Variants in SEMA6D observed in about 807,000 individuals in gnomAD.
The protein encoded by SEMA6D is semaphorin 6D.
In SEMA6D, 35 loss-of-function variants were observed where a neutral mutation model predicts 106.6. The observed-to-expected ratio is 0.33, with a 90% CI of 0.25 to 0.44. SEMA6D has a LOEUF of 0.44. SEMA6D is among the 20% of genes least tolerant of loss of function. The pLI is 1.00. For missense variants in SEMA6D, 1,185 were observed against 1,345.9 expected (o/e 0.88, Z 1.87); for synonymous variants, 499 against 487.7 (o/e 1.02, Z -0.31).
At chr15:47,620,793 G>A (rs1439786633) in intron 4 of SEMA6D, among the ~76,000 whole-genome samples, 1 of 151,864 alleles carries the variant, frequency 6.6e-6, no homozygotes, top group Non-Finnish European at 1.5e-5. Flanking sequence ...GTGGGGTTCA[G>A]AGGAATATGT....
chr15:47,275,218 T>C (rs1213552657), intron 1 of SEMA6D: 1 of 152,120 alleles, frequency 6.6e-6, no homozygotes, highest in Admixed American at 6.6e-5. Flanking sequence ...AGAGATGCAA[T>C]CACCTTGAAA....
chr15:47,275,986 G>T (rs1462484324), intron 1 of SEMA6D, among the ~76,000 whole-genome samples: 1 of 152,106 alleles, frequency 6.6e-6, no homozygotes, highest in Non-Finnish European at 1.5e-5. Context: ...TATTCAGAAA[G>T]TTTCAGTGGT....
intron 2 of SEMA6D, among the ~76,000 whole-genome samples, chr15:47,424,643 A>T (rs1365144436): frequency 6.6e-6 from 1 of 152,152 alleles, no homozygotes; most frequent in African/African-American, 2.4e-5. Flanking sequence ...GAGCGTCAGA[A>T]ATCTGAAAAT....
At position 47,721,517 on chromosome 15, in the gene SEMA6D, G is replaced by A. The variant is rs754095252; in HGVS notation, c.-55+3825G>A. On this transcript the variant is annotated intron_variant, in intron 1 of 18. Coordinates refer to ENST00000536845, the MANE Select transcript of SEMA6D (RefSeq NM_001358351.3). ...GTTCTGATTTATTCCCATGACACAC[G>A]GAGAGAATAAAAATCACATAACTAT... 5.6e-4 allele frequency among the ~76,000 whole-genome samples: 85 copies of A among 152,136 alleles called. 1 individual carries two copies. Among genetic ancestry groups the A allele is most frequent in the Non-Finnish European group, 1.6e-4 (11 of 68,030 alleles).
intron 2 of SEMA6D, among the ~76,000 whole-genome samples, chr15:47,445,875 G>A (rs765983500): frequency 1.3e-4 from 20 of 151,968 alleles, no homozygotes; most frequent in Admixed American, 2.6e-4. Flanking sequence ...CAAAATGTAC[G>A]ACAGCTCACC....
rs973283626 is a variant in SEMA6D, at chr15:47,730,617, C to T, written c.-55+12925C>T. 19 of 1,575,716 alleles carry T rather than the reference C, an allele frequency of 1.2e-5. No individual in the cohort carries two copies. The African/African-American group carries it at 2.6e-4, about 21-fold the overall frequency. On this transcript the variant is annotated intron_variant, in intron 1 of 18. Coordinates refer to ENST00000536845, the MANE Select transcript of SEMA6D (RefSeq NM_001358351.3). ...CAGGCCAACAGTCTCTGCTTCTTCT[C>T]TTGCTTTGTCTCTGGTCTGTACTTG...
chr15:47,368,718 A>G (rs1001082792), intron 1 of SEMA6D, among the ~76,000 whole-genome samples: 1 of 152,208 alleles, frequency 6.6e-6, no homozygotes, highest in Non-Finnish European at 1.5e-5. Flanking sequence ...AGACCCTACA[A>G]TTTCCATTTT....
At chr15:47,578,790 A>G (rs949108101) in intron 3 of SEMA6D, among the ~76,000 whole-genome samples, 1 of 152,172 alleles carries the variant, frequency 6.6e-6, no homozygotes, top group Non-Finnish European at 1.5e-5. Context: ...CATTTGATAT[A>G]ACTAAATGAT....
chr15:47,587,191 T>G (rs1596372605), intron 3 of SEMA6D, among the ~76,000 whole-genome samples: 1 of 151,820 alleles, frequency 6.6e-6, no homozygotes. Context: ...TGGCTGGGAG[T>G]GCAGGAGGGC....
intron 1 of SEMA6D, among the ~76,000 whole-genome samples, chr15:47,375,364 C>T (rs2039413355): frequency 6.6e-6 from 1 of 152,148 alleles, no homozygotes; most frequent in Non-Finnish European, 1.5e-5. Flanking sequence ...TTCCCTCTCC[C>T]ATTCCTCTTC....
At position 47,766,094 on chromosome 15, in the gene SEMA6D, G is replaced by A; in HGVS notation, c.1569-11G>A. ...GAAAATCCAAGTTACATTCTGTTTG[G>A]TTTTACACAGGTCTTGTATTGCATC... On this transcript the variant is annotated splice_polypyrimidine_tract_variant and intron_variant, in intron 14 of 18. Transcript: ENST00000536845. The A allele has an allele frequency of 6.2e-7, 1 of 1,613,524 alleles. No individual in the cohort carries two copies. The highest frequency in any genetic ancestry group is 8.5e-7 in the Non-Finnish European group (1 of 1,179,670).
chr15:47,336,630 C>T lies in SEMA6D; in HGVS notation c.-238-75763C>T, dbSNP rs555989285. On this transcript the variant is annotated intron_variant, in intron 1 of 19. Transcript: ENST00000558014. ...TAGCAGAGAAATGCTCTAATAGGGACGGCAGTGTCCAGAAGTGTTTTGTAA... is the reference window on the plus strand; with the variant it reads ...TAGCAGAGAAATGCTCTAATAGGGATGGCAGTGTCCAGAAGTGTTTTGTAA... Among the ~76,000 whole-genome samples, 45 of 152,196 alleles carry T rather than the reference C, an allele frequency of 3.0e-4. 1 individual carries two copies. Among genetic ancestry groups the T allele is most frequent in the Non-Finnish European group, 6.2e-4 (42 of 68,020 alleles).
chr15:47,479,082 TG>T (rs1220530629), intron 3 of SEMA6D, among the ~76,000 whole-genome samples: 1 of 152,108 alleles, frequency 6.6e-6, no homozygotes, highest in Non-Finnish European at 1.5e-5. Flanking sequence ...GAGATTTGGG[TG>T]GGGACACAGC....
intron 1 of SEMA6D, among the ~76,000 whole-genome samples, chr15:47,212,610 C>T (rs754690631): frequency 6.6e-6 from 1 of 152,190 alleles, no homozygotes; most frequent in African/African-American, 2.4e-5. Flanking sequence ...TTCTGTAATT[C>T]TATTTCCTTT....
intron 1 of SEMA6D, among the ~76,000 whole-genome samples, chr15:47,257,224 A>AT (rs1466779525): frequency 5.9e-5 from 9 of 151,950 alleles, no homozygotes; most frequent in African/African-American, 1.2e-4. Context: ...CGCCCAGCTA[A>AT]TTTTTTGTAT....
chr15:47,604,941 C>T (rs908061669), intron 4 of SEMA6D, among the ~76,000 whole-genome samples: 4 of 151,332 alleles, frequency 2.6e-5, no homozygotes, highest in African/African-American at 2.4e-5. Flanking sequence ...CTCCTGACCT[C>T]GCAATCTGCC....
At chr15:47,632,935 G>T (rs1246364331) in intron 4 of SEMA6D, among the ~76,000 whole-genome samples, 2 of 151,774 alleles carry the variant, frequency 1.3e-5, no homozygotes, top group Non-Finnish European at 2.9e-5. Flanking sequence ...TTTCTTAAAG[G>T]TTGCCTTAAG....
At chr15:47,314,861 T>C (rs1341127361) in intron 1 of SEMA6D, among the ~76,000 whole-genome samples, 1 of 32,294 alleles carries the variant, frequency 3.1e-5, no homozygotes, top group African/African-American at 6.0e-5. Context: ...TTTTTTTTTT[T>C]TTTTTTTTTT....
intron 4 of SEMA6D, among the ~76,000 whole-genome samples, chr15:47,666,123 A>G (rs1419781239): frequency 6.6e-6 from 1 of 152,250 alleles, no homozygotes; most frequent in Non-Finnish European, 1.5e-5. Context: ...ATTTTTAGCC[A>G]GCTGTTAAAG....
Sources: allele counts gnomAD v4.1 joint callset (sites outside exome capture counted in the v4.1 genomes callset), GRCh38; gene constraint gnomAD v4.1.1; transcripts MANE v1.5; gene names NCBI Gene and HGNC (gene_info 2026-07-23, HGNC 2026-07-21).